PARN: variants seen among roughly 807,000 people sequenced by gnomAD.
PARN encodes the protein poly(A)-specific ribonuclease PARN.
Under a neutral mutation model 102.8 loss-of-function variants are expected in PARN, and 71 were observed. That is an observed-to-expected ratio of 0.69 (90% confidence interval 0.57 to 0.84). The LOEUF (loss-of-function observed/expected upper bound fraction) is 0.84. Among genes scored for constraint, PARN ranks in the 40% least tolerant of loss-of-function variants. The pLI, the probability that PARN is intolerant of heterozygous loss-of-function variation, is 0.00. For synonymous variants in PARN, 261 were observed against 252.9 expected, an observed-to-expected ratio of 1.03 and a Z score of -0.30; for missense variants, 782 against 760.9, an observed-to-expected ratio of 1.03 and a Z score of -0.33.
chr16:14,538,064 A>G lies in PARN; in HGVS notation c.1480+13957T>C, dbSNP rs188942845. 3.9e-5 allele frequency among the ~76,000 whole-genome samples: 6 copies of G among 152,304 alleles called. No homozygotes were observed. The East Asian group carries it at 9.7e-4, about 25-fold the overall frequency. On this transcript the variant is annotated intron_variant, in intron 21 of 23. Transcript: ENST00000437198. ...CTCTGAATCCCATAAATATGTACGT[A>G]CAATGATCATGTGTCAACTAAAATT...
At chr16:14,609,264 G>A (rs1023672410) in intron 7 of PARN, 141 bp from the exon 8 acceptor site, 3 of 580,142 alleles carry the variant, frequency 5.2e-6, no homozygotes, top group African/African-American at 3.9e-5. Context: ...AGAAATTTTA[G>A]TTCAAAGACT....
intron 2 of PARN, among the ~76,000 whole-genome samples, chr16:14,629,334 T>G (rs1003566339): frequency 1.3e-5 from 2 of 152,226 alleles, no homozygotes; most frequent in Non-Finnish European, 2.9e-5. Context: ...CTCTCTGCAA[T>G]GTACACGCCG....
chr16:14,543,051 G>A (rs1338466177), intron 21 of PARN, among the ~76,000 whole-genome samples: 3 of 152,090 alleles, frequency 2.0e-5, no homozygotes, highest in Admixed American at 6.5e-5. Flanking sequence ...AAAACCAATC[G>A]TAAATAGAAA....
At chr16:14,629,288 A>G (rs1391352623) in intron 2 of PARN, among the ~76,000 whole-genome samples, 1 of 152,190 alleles carries the variant, frequency 6.6e-6, no homozygotes, top group Non-Finnish European at 1.5e-5. Flanking sequence ...CTATTTTACA[A>G]TCAAGAAAAA....
At chr16:14,505,927 G>A (rs1038697317) in intron 21 of PARN, among the ~76,000 whole-genome samples, 11 of 152,180 alleles carry the variant, frequency 7.2e-5, no homozygotes, top group African/African-American at 2.4e-4. Flanking sequence ...CTGAGGAACA[G>A]GGTTTCACAG....
intron 21 of PARN, among the ~76,000 whole-genome samples, chr16:14,500,499 T>G (rs937075044): frequency 1.5e-4 from 23 of 152,150 alleles, no homozygotes; most frequent in Non-Finnish European, 7.4e-5. Flanking sequence ...CTCAAACTCC[T>G]GGACTCAAGC....
At chr16:14,531,297 G>A (rs112691448) in intron 21 of PARN, among the ~76,000 whole-genome samples, 26,331 of 151,890 alleles carry the variant, frequency 0.17, 2,641 homozygotes, top group Middle Eastern at 0.28. Flanking sequence ...GGGAGGCAGA[G>A]GTTGCAGTGA....
rs533257276 is a variant in PARN at position 14,586,058 on chromosome 16, C to T, written c.962+260G>A. On this transcript the variant is annotated intron_variant, in intron 14 of 23. Coordinates refer to ENST00000437198, the MANE Select transcript of PARN (RefSeq NM_002582.4). ...ATAGTAGCACTATTATGGCTCACTG[C>T]AACCTGGACCTCCTGGGTTCAAGCA... Among the ~76,000 whole-genome samples the T allele has an allele frequency of 7.3e-5, 11 of 150,164 alleles. 1 individual carries two copies. In the South Asian group the frequency reaches 2.3e-3, roughly 32 times the overall value.
chr16:14,544,125 G>T (rs998583561), intron 21 of PARN, among the ~76,000 whole-genome samples: 34 of 152,288 alleles, frequency 2.2e-4, no homozygotes, highest in African/African-American at 7.9e-4. Context: ...CCGGGAGGTG[G>T]AGGTTGCGGT....
At chr16:14,525,614 T>C (rs1311531462) in intron 21 of PARN, among the ~76,000 whole-genome samples, 1 of 151,964 alleles carries the variant, frequency 6.6e-6, no homozygotes, top group Non-Finnish European at 1.5e-5. Flanking sequence ...CACCCTCTCT[T>C]CATTATCACC....
intron 17 of PARN, 59 bp from the exon 18 acceptor site, chr16:14,581,002 G>A: frequency 1.0e-6 from 1 of 987,702 alleles, no homozygotes; most frequent in South Asian, 1.4e-5. Context: ...AAGCCTGAAA[G>A]TTCAGACCAA....
intron 21 of PARN, among the ~76,000 whole-genome samples, chr16:14,496,072 C>T (rs530015819): frequency 6.6e-6 from 1 of 152,294 alleles, no homozygotes; most frequent in Admixed American, 6.5e-5. Context: ...TCTTTTCCTC[C>T]TCAAAACCAC....
At chr16:14,552,274 G>A (rs1466183117) in intron 20 of PARN, among the ~76,000 whole-genome samples, 179 bp from the exon 21 acceptor site, 1 of 152,170 alleles carries the variant, frequency 6.6e-6, no homozygotes, top group African/African-American at 2.4e-5. Flanking sequence ...GGCTACCACA[G>A]CAGTTATTTA....
At chr16:14,470,440 T>TGATGATGATG (rs1170896033) in intron 22 of PARN, among the ~76,000 whole-genome samples, 1,432 of 98,730 alleles carry the variant, frequency 0.015, 8 homozygotes, top group Non-Finnish European at 0.026. Flanking sequence ...TTTGGATGAT[T>TGATGATGATG]ATTATTATTA....
At chr16:14,595,878 TG>T (rs1447536816) in intron 12 of PARN, among the ~76,000 whole-genome samples, 2 of 152,164 alleles carry the variant, frequency 1.3e-5, no homozygotes, top group Non-Finnish European at 2.9e-5. Flanking sequence ...TTGCCCAGGC[TG>T]GTCTTGAACT....
chr16:14,514,370 T>C (rs1965353483), intron 21 of PARN, among the ~76,000 whole-genome samples: 1 of 151,978 alleles, frequency 6.6e-6, no homozygotes, highest in South Asian at 2.1e-4. Context: ...GTATTTTTAG[T>C]AGAGACAGGG....
At chr16:14,508,544 G>C (rs1965017834) in intron 21 of PARN, among the ~76,000 whole-genome samples, 2 of 152,038 alleles carry the variant, frequency 1.3e-5, no homozygotes, top group East Asian at 3.8e-4. Flanking sequence ...CATTCCCATA[G>C]TGAGACACTC....
At chr16:14,598,076 G>A (rs575666298) in intron 12 of PARN, among the ~76,000 whole-genome samples, 6 of 152,186 alleles carry the variant, frequency 3.9e-5, no homozygotes, top group South Asian at 2.1e-4. Flanking sequence ...CCCGAGAGGC[G>A]GAGGTTGTGG....
At chr16:14,501,447 A>AAC (rs1423997419) in intron 21 of PARN, 2 of 126,018 alleles carry the variant, frequency 1.6e-5, no homozygotes, top group Non-Finnish European at 3.2e-5. Flanking sequence ...AAAAAAAAAA[A>AAC]AAAAAAAAAA....
Sources: allele counts gnomAD v4.1 joint callset (sites outside exome capture counted in the v4.1 genomes callset), GRCh38; gene constraint gnomAD v4.1.1; transcripts MANE v1.5; gene names NCBI Gene and HGNC (gene_info 2026-07-23, HGNC 2026-07-21).